Variants in PTPRG observed in about 807,000 individuals in gnomAD.
PTPRG encodes receptor-type tyrosine-protein phosphatase gamma.
A neutral mutation model predicts 165.3 loss-of-function variants in PTPRG; 102 were observed. The ratio of observed to expected loss-of-function variants is 0.62; its 90% confidence interval spans 0.53 to 0.73. The LOEUF (loss-of-function observed/expected upper bound fraction) is 0.73. Ranked by LOEUF, PTPRG falls within the 30% of genes least tolerant of loss-of-function variation. The pLI is 0.00. For synonymous variants in PTPRG, 675 were observed against 669.5 expected (o/e 1.01, Z -0.13); for missense variants, 1,866 against 1,861.4 (o/e 1.00, Z -0.05).
At position 61,972,417 on chromosome 3, in the gene PTPRG, G is replaced by C. The variant is rs79303364; in HGVS notation, c.191-17208G>C. Reference sequence around the variant, plus strand: ...GCATGCTGTTGGGGGGTTTCATGCAGGTGAGTGACATGATCTGACTTAAGT... The same window carrying C: ...GCATGCTGTTGGGGGGTTTCATGCACGTGAGTGACATGATCTGACTTAAGT... On this transcript the variant is annotated intron_variant, in intron 2 of 29. Coordinates refer to ENST00000474889, the MANE Select transcript of PTPRG (RefSeq NM_002841.4). Among the ~76,000 whole-genome samples the C allele has an allele frequency of 3.9e-3, 590 of 151,958 alleles. 27 individuals carry two copies. The East Asian group carries it at 0.088, about 23-fold the overall frequency.
intron 2 of PTPRG, among the ~76,000 whole-genome samples, chr3:61,756,827 T>G (rs1300730063): frequency 6.6e-6 from 1 of 152,204 alleles, no homozygotes; most frequent in Non-Finnish European, 1.5e-5. Flanking sequence ...GATGGGGTAT[T>G]TAAAACATGG....
chr3:61,873,568 C>A (rs1489071754), intron 2 of PTPRG, among the ~76,000 whole-genome samples: 5 of 152,050 alleles, frequency 3.3e-5, no homozygotes, highest in African/African-American at 1.2e-4. Context: ...AAGAAAAATA[C>A]TATAGGATGG....
intron 4 of PTPRG, among the ~76,000 whole-genome samples, chr3:62,016,460 C>T (rs1413421587): frequency 6.6e-6 from 1 of 152,144 alleles, no homozygotes; most frequent in Non-Finnish European, 1.5e-5. Context: ...GCCACCGCGC[C>T]CGGCCTGTAT....
At chr3:61,746,969 A>G (rs961537628) in intron 1 of PTPRG, among the ~76,000 whole-genome samples, 28 of 152,274 alleles carry the variant, frequency 1.8e-4, no homozygotes, top group African/African-American at 6.5e-4. Context: ...CTACAAAAAT[A>G]AAAAATCAGC....
At chr3:61,875,744 C>T (rs1156950191) in intron 2 of PTPRG, among the ~76,000 whole-genome samples, 1 of 152,168 alleles carries the variant, frequency 6.6e-6, no homozygotes, top group Non-Finnish European at 1.5e-5. Context: ...GCCATCATTT[C>T]TCGCAGAGAT....
chr3:61,650,196 G>A (rs1422367217), intron 1 of PTPRG, among the ~76,000 whole-genome samples: 2 of 152,146 alleles, frequency 1.3e-5, no homozygotes, highest in African/African-American at 4.8e-5. Context: ...CACGGCTGCT[G>A]AGAAATTATC....
intron 2 of PTPRG, among the ~76,000 whole-genome samples, chr3:61,968,860 CT>C (rs2040328377): frequency 6.6e-6 from 1 of 152,116 alleles, no homozygotes; most frequent in Non-Finnish European, 1.5e-5. Flanking sequence ...AGTTGGTCAA[CT>C]TTAAAGAACA....
At chr3:61,574,953 C>G (rs1237899006) in intron 1 of PTPRG, among the ~76,000 whole-genome samples, 1 of 152,174 alleles carries the variant, frequency 6.6e-6, no homozygotes, top group Non-Finnish European at 1.5e-5. Flanking sequence ...AGAATGGCAC[C>G]AAGCCATTCG....
chr3:61,690,136 A>G (rs1259150911), intron 1 of PTPRG, among the ~76,000 whole-genome samples: 1 of 152,196 alleles, frequency 6.6e-6, no homozygotes, highest in African/African-American at 2.4e-5. Flanking sequence ...TTCTGGCATT[A>G]TCCGCAACCG....
chr3:61,743,087 T>A lies in PTPRG; in HGVS notation c.86-5791T>A, dbSNP rs633429. 3.8e-6 allele frequency: 6 copies of A among 1,575,836 alleles called. No homozygotes were observed. In the South Asian group the frequency reaches 5.6e-5, roughly 15 times the overall value. On this transcript the variant is annotated intron_variant, in intron 1 of 29. Coordinates refer to ENST00000474889, the MANE Select transcript of PTPRG (RefSeq NM_002841.4). ...TCCCGCACCGCCTCGTACAGGGTGT[T>A]GCGAGAGACTGCTGCTCATGGCTTC...
At chr3:61,928,468 T>C (rs1156370880) in intron 2 of PTPRG, among the ~76,000 whole-genome samples, 2 of 152,234 alleles carry the variant, frequency 1.3e-5, no homozygotes, top group Non-Finnish European at 2.9e-5. Context: ...TGCTTGAATT[T>C]ACTGAAAGAA....
chr3:61,957,175 A>G (rs1360483266), intron 2 of PTPRG, among the ~76,000 whole-genome samples: 1 of 152,210 alleles, frequency 6.6e-6, no homozygotes, highest in African/African-American at 2.4e-5. Context: ...ATATTGTCAC[A>G]CAGATTAGGA....
chr3:61,997,134 G>T (rs915221764), intron 3 of PTPRG, among the ~76,000 whole-genome samples: 10 of 152,166 alleles, frequency 6.6e-5, no homozygotes, highest in Admixed American at 5.9e-4. Context: ...GGATAATCCT[G>T]CAGTTTGTCA....
intron 2 of PTPRG, among the ~76,000 whole-genome samples, chr3:61,903,177 G>T (rs532781423): frequency 2.6e-5 from 4 of 151,960 alleles, no homozygotes; most frequent in African/African-American, 9.7e-5. Context: ...CTGGTATTTT[G>T]TGTCCCCCAC....
intron 1 of PTPRG, among the ~76,000 whole-genome samples, chr3:61,666,808 A>G (rs1160524337): frequency 1.3e-5 from 2 of 152,194 alleles, no homozygotes; most frequent in Non-Finnish European, 2.9e-5. Flanking sequence ...AATACCAGAG[A>G]TGTCTCAAGA....
chr3:61,795,210 T>C (rs1002595910), intron 2 of PTPRG, among the ~76,000 whole-genome samples: 1 of 152,228 alleles, frequency 6.6e-6, no homozygotes, highest in Non-Finnish European at 1.5e-5. Context: ...ATTTCAGTCA[T>C]GGTGATCTGA....
chr3:61,739,279 TTAGAAAAATCACTC>T (rs2032892257), intron 1 of PTPRG: 1 of 152,122 alleles, frequency 6.6e-6, no homozygotes, highest in Non-Finnish European at 1.5e-5. Flanking sequence ...TAATTGGAAG[TTAGAAAAATCACTC>T]TACATTTTAC....
chr3:61,763,382 C>T (rs1158231071), intron 2 of PTPRG, among the ~76,000 whole-genome samples: 1 of 152,044 alleles, frequency 6.6e-6, no homozygotes, highest in Non-Finnish European at 1.5e-5. Flanking sequence ...GGATTACAGG[C>T]GCGCACCACT....
chr3:62,270,387 A>G (rs980455533), intron 20 of PTPRG, among the ~76,000 whole-genome samples: 3 of 152,178 alleles, frequency 2.0e-5, no homozygotes, highest in African/African-American at 7.2e-5. Context: ...GAATATCAGT[A>G]GCATAGCAAT....
Sources: gnomAD v4.1 joint callset for allele counts (sites outside exome capture counted in the v4.1 genomes callset) on GRCh38, gnomAD v4.1.1 for gene constraint, MANE v1.5 for transcripts, NCBI Gene and HGNC (gene_info 2026-07-23, HGNC 2026-07-21) for gene names.